Variants in HTR3C observed in about 807,000 individuals in gnomAD.
The protein encoded by HTR3C is 5-HT3-C.
HTR3C carries 32 observed loss-of-function variants against 40.5 expected under a neutral mutation model. That is an observed-to-expected ratio of 0.79 (90% CI 0.60 to 1.06). The LOEUF is 1.06. Ranked by LOEUF, HTR3C falls within the 50% of genes least tolerant of loss-of-function variation. The probability of loss-of-function intolerance (pLI) is 0.00; values close to 1 mark genes in which losing one functional copy is unlikely to be tolerated. For missense variants in HTR3C, 523 were observed against 556.8 expected (o/e 0.94, Z 0.61); for synonymous variants, 209 against 217.1 (o/e 0.96, Z 0.33).
chr3:184,054,660 G>T, intron 1 of HTR3C, 61 bp from the exon 2 acceptor site: 3 of 1,418,058 alleles, frequency 2.1e-6, no homozygotes, highest in Admixed American at 2.4e-5. Context: ...TTATCTCTCT[G>T]CAGAGAGACT....
chr3:184,059,864 T>G lies in HTR3C; in HGVS notation c.962T>G (p.Val321Gly), dbSNP rs781515910. ...YFALCLSLMV[V>G]SLLETVFITY... ...GCCCTGTGCCTGTCCCTGATGGTGG[T>G]CAGCCTGCTGGAGACCGTCTTCATT... Residue 321 changes from valine (V) to glycine (G), a missense_variant, in exon 8 of 9, where the codon GTC becomes GGC. Coordinates refer to ENST00000318351, the MANE Select transcript of HTR3C (RefSeq NM_130770.3). 16 of 1,614,032 alleles carry G rather than the reference T, an allele frequency of 9.9e-6. No individual in the cohort carries two copies. The South Asian group carries it at 1.2e-4, about 12-fold the overall frequency.
chr3:184,056,771 GA>G, intron 4 of HTR3C, 103 bp from the exon 5 acceptor site: 1 of 1,023,004 alleles, frequency 9.8e-7, no homozygotes, highest in East Asian at 2.6e-5. Flanking sequence ...AATAAAAATA[GA>G]AAGAGAAAGA....
At chr3:184,055,401 T>A in intron 3 of HTR3C, 45 bp downstream of exon 3, 1 of 1,421,734 alleles carries the variant, frequency 7.0e-7, no homozygotes, top group Non-Finnish European at 1.0e-6. Flanking sequence ...TTTATAATTT[T>A]AAGCCTGAGG....
rs550609003 is a variant in HTR3C, at chr3:184,054,865, C to T, written c.212C>T (p.Thr71Ile). ...SIPTRVNISF[T>I]LSAILGVDAQ... is the part of the protein sequence containing the mutation. The stretch of plus-strand genomic sequence containing the variant: ...CCTACCCGTGTCAACATCTCCTTCA[C>T]CCTGTCTGCCATCCTGGGAGTGGTG... The change falls in exon 2 of 9, where the codon ACC becomes ATC. Residue 71 changes from threonine (T) to isoleucine (I), a missense_variant. Thr to Ile is a moderately conservative substitution (Grantham distance 89). Transcript: ENST00000318351. The T allele has an allele frequency of 1.2e-5, 20 of 1,608,308 alleles. No homozygotes were observed. Among genetic ancestry groups the T allele is most frequent in the South Asian group, 2.2e-5 (2 of 90,198 alleles).
Position 184,059,932 on chromosome 3 carries a change from C to T in HTR3C, c.1030C>T (p.Pro344Ser), listed in dbSNP as rs1444094611. ...HVATTQPPPM[P>S]RWLHSLLLHC... ...GGCCACCACCCAGCCCCCACCCATG[C>T]CTAGGTGGCTTCACTCCCTGCTGCT... is the stretch of plus-strand genomic sequence containing the variant. Residue 344 changes from proline (P) to serine (S), a missense_variant, in exon 8 of 9, where the codon CCT becomes TCT. Pro to Ser is a moderately conservative substitution (Grantham distance 74). Transcript: ENST00000318351. 1 of 1,613,888 alleles carries T rather than the reference C, an allele frequency of 6.2e-7. No individual in the cohort carries two copies. Among genetic ancestry groups the T allele is most frequent in the Non-Finnish European group, 8.5e-7 (1 of 1,180,020 alleles).
intron 2 of HTR3C, 109 bp from the exon 3 acceptor site, chr3:184,055,203 C>A: frequency 1.2e-6 from 1 of 806,522 alleles, no homozygotes; most frequent in South Asian, 1.5e-5. Context: ...AATTCAGCAT[C>A]TACAACAATG....
Position 184,054,717 on chromosome 3 carries a change from A to G in HTR3C, c.68-4A>G, listed in dbSNP as rs778311364. 6 of 1,585,806 alleles carry G rather than the reference A, an allele frequency of 3.8e-6. No individual in the cohort carries two copies. In the Admixed American group the frequency reaches 1.1e-4, roughly 29 times the overall value. ...CTCTCTCACGGAGTCTCTGCTCTCT[A>G]TAGGAAGAGGCGACGCTTTTACCAT... is the stretch of plus-strand genomic sequence containing the variant. On this transcript the variant is annotated splice_region_variant and splice_polypyrimidine_tract_variant and intron_variant, in intron 1 of 8. Transcript: ENST00000318351.
chr3:184,056,740 C>G, intron 4 of HTR3C, 135 bp from the exon 5 acceptor site: 1 of 778,812 alleles, frequency 1.3e-6, no homozygotes, highest in South Asian at 2.9e-5. Context: ...AAGAGTGAAA[C>G]TGTCTCAAAA....
In HTR3C at chr3:184,056,894, C is replaced by T. The variant is rs1723337480; in HGVS notation, c.409C>T (p.Pro137Ser). 1 of 1,610,144 alleles carries T rather than the reference C, an allele frequency of 6.2e-7. No homozygotes were observed. Among genetic ancestry groups the T allele is most frequent in the South Asian group, 1.1e-5 (1 of 90,590 alleles). ...IVESMDVDQT[P>S]SGLTAYISSE... ...AAACAGCATGGATGTGGATCAGACG[C>T]CTTCCGGTCTCACTGCCTATATCAG... The change falls in exon 5 of 9, where the codon CCT becomes TCT. Residue 137 changes from proline to serine, a missense_variant. By Grantham distance (74) the Pro-to-Ser change is moderately conservative. Coordinates refer to ENST00000318351, the MANE Select transcript of HTR3C (RefSeq NM_130770.3).
chr3:184,055,431 G>A (rs921292361), intron 3 of HTR3C, 75 bp downstream of exon 3: 1 of 1,136,170 alleles, frequency 8.8e-7, no homozygotes, highest in Non-Finnish European at 1.3e-6. Context: ...TGACTTAAAG[G>A]GGCCAGAAGC....
At position 184,058,442 on chromosome 3, in the gene HTR3C, T is replaced by C. The variant is rs1723375169; in HGVS notation, c.575T>C (p.Leu192Pro). The C allele has an allele frequency of 1.2e-6, 2 of 1,609,812 alleles. No individual in the cohort carries two copies. The highest frequency in any genetic ancestry group is 8.5e-7 in the Non-Finnish European group (1 of 1,178,504). Residue 192 changes from leucine to proline, a missense_variant, in exon 6 of 9, where the codon CTG becomes CCG. Transcript: ENST00000318351. Reference sequence around the variant, plus strand: ...TCCCTTCCAGTGGACAGCATGCTGCTGGGCATGGACAAGGAGGTGTGGGAG... The same window carrying C: ...TCCCTTCCAGTGGACAGCATGCTGCCGGGCATGGACAAGGAGGTGTGGGAG... ...SFLYTVDSML[L>P]GMDKEVWEIT...
Position 184,060,493 on chromosome 3 carries a change from C to T in HTR3C, c.*141C>T. 3 of 1,073,904 alleles carry T rather than the reference C, an allele frequency of 2.8e-6. No homozygotes were observed. Among genetic ancestry groups the T allele is most frequent in the Non-Finnish European group, 2.8e-6 (2 of 723,814 alleles). The allele number at this position is 1,073,904 out of a possible 1,614,324, so 66.5% of individuals were successfully genotyped here. A position where few individuals can be genotyped will look rare whatever the true frequency, so the allele number is the denominator to read the frequency against. The stretch of plus-strand genomic sequence containing the variant: ...CTAAATTCCAAAGACTCCAACGCAG[C>T]ACTAGCAAGCAGGTTCGGGACAGCC... On this transcript the variant is annotated 3_prime_UTR_variant, in exon 9 of 9. Transcript: ENST00000318351.
At chr3:184,059,725 A>G (rs561756191) in intron 7 of HTR3C, 85 bp downstream of exon 7, 1 of 1,586,560 alleles carries the variant, frequency 6.3e-7, no homozygotes, top group South Asian at 1.1e-5. Flanking sequence ...GCTCCACTGA[A>G]GGAAGGAAGG....
chr3:184,053,344 G>A (rs553671957), intron 1 of HTR3C, among the ~76,000 whole-genome samples, 197 bp downstream of exon 1: 1 of 152,272 alleles, frequency 6.6e-6, no homozygotes, highest in East Asian at 1.9e-4. Flanking sequence ...GTTCCTGCCT[G>A]CACAGGGATC....
intron 5 of HTR3C, among the ~76,000 whole-genome samples, chr3:184,058,009 C>T (rs958825206): frequency 2.0e-5 from 3 of 152,160 alleles, no homozygotes; most frequent in Admixed American, 1.3e-4. Flanking sequence ...AACCGAATGC[C>T]ACCAGGTGTC....
At chr3:184,056,418 A>G in intron 4 of HTR3C, 132 bp downstream of exon 4, 1 of 674,588 alleles carries the variant, frequency 1.5e-6, no homozygotes, top group East Asian at 2.6e-5. Flanking sequence ...TCCACACATC[A>G]CTACGAGTAG....
chr3:184,054,686 G>A (rs766483046), intron 1 of HTR3C, 35 bp from the exon 2 acceptor site: 3 of 1,500,990 alleles, frequency 2.0e-6, no homozygotes, highest in South Asian at 2.7e-5. Context: ...CCTGGAAATA[G>A]AGTCCCTCTC....
rs755631239 is a variant in HTR3C, at chr3:184,060,271, G to C, written c.1263G>C (p.Ala421=). The C allele has an allele frequency of 1.2e-6, 2 of 1,614,122 alleles. No homozygotes were observed. The highest frequency in any genetic ancestry group is 4.5e-5 in the East Asian group (2 of 44,874). ...AGCTGTGGGTGCAGTTCAGCCACGCGATGGACACCCTGCTCTTCCGCCTCT... is the reference window on the plus strand; with the variant it reads ...AGCTGTGGGTGCAGTTCAGCCACGCCATGGACACCCTGCTCTTCCGCCTCT... ...LMELWVQFSH[A]MDTLLFRLYL... The change falls in exon 9 of 9, where the codon GCG becomes GCC. Residue 421 remains alanine (A), a synonymous_variant. Coordinates refer to ENST00000318351, the MANE Select transcript of HTR3C (RefSeq NM_130770.3).
At position 184,054,795 on chromosome 3, in the gene HTR3C, G is replaced by A. The variant is rs200230893; in HGVS notation, c.142G>A (p.Val48Met). ...HGVDPAVFQA[V>M]FDRKAFRPFT... The stretch of plus-strand genomic sequence containing the variant: ...GGTTGACCCTGCTGTCTTCCAAGCA[G>A]TGTTTGACAGAAAGGCCTTCCGTCC... The change falls in exon 2 of 9, where the codon GTG becomes ATG. Residue 48 changes from valine (V) to methionine (M), a missense_variant. Transcript: ENST00000318351. The A allele has an allele frequency of 1.9e-5, 31 of 1,614,022 alleles. No individual in the cohort carries two copies. Among genetic ancestry groups the A allele is most frequent in the Middle Eastern group, 1.7e-4 (1 of 6,060 alleles).
Sources: gnomAD v4.1 joint callset for allele counts (sites outside exome capture counted in the v4.1 genomes callset) on GRCh38, gnomAD v4.1.1 for gene constraint, MANE v1.5 for transcripts, NCBI Gene and HGNC (gene_info 2026-07-23, HGNC 2026-07-21) for gene names.